The following PRDM16 variants were observed in gnomAD, a reference collection of about 807,000 sequenced individuals.
PRDM16 encodes the protein PR/SET domain 16, also known as histone-lysine N-methyltransferase PRDM16.
Under a neutral mutation model 110.6 loss-of-function variants are expected in PRDM16, and 23 were observed. The observed-to-expected ratio is 0.21, with a 90% CI of 0.15 to 0.29. The LOEUF is 0.29. Ranked by LOEUF, PRDM16 falls within the 10% of genes least tolerant of loss-of-function variation. PRDM16 has a pLI of 1.00. For synonymous variants in PRDM16, 799 were observed against 781.8 expected (o/e 1.02, Z -0.37); for missense variants, 1,615 against 1,794.3 (o/e 0.90, Z 1.81).
intron 4 of PRDM16, among the ~76,000 whole-genome samples, chr1:3,392,945 G>A (rs1392122610): frequency 6.6e-6 from 1 of 152,170 alleles, no homozygotes; most frequent in East Asian, 1.9e-4. Flanking sequence ...GTTTGAATTC[G>A]GAGGACCTGT....
chr1:3,269,775 CCAGAGGAGGAAAGTCT>C (rs1640390552), intron 3 of PRDM16, among the ~76,000 whole-genome samples: 1 of 146,054 alleles, frequency 6.8e-6, no homozygotes, highest in South Asian at 2.2e-4. Flanking sequence ...GAGGACAGTC[CCAGAGGAGGAAAGTCT>C]CAGAGGAGGA....
rs530165959 is a variant in PRDM16 at position 3,081,425 on chromosome 1, C to A, written c.37+12129C>A. ...CATTCCTGCAGCCTGGCCCGGCCGG[C>A]CCCTGGAGAGCCCCCTCCTTGTCCC... On this transcript the variant is annotated intron_variant, in intron 1 of 16. Transcript: ENST00000270722. The surrounding 1 kb of genome is among the most constrained non-coding windows in gnomAD (Gnocchi z 4.6). Among the ~76,000 whole-genome samples the A allele has an allele frequency of 6.6e-6, 1 of 152,178 alleles. No individual in the cohort carries two copies. Among genetic ancestry groups the A allele is most frequent in the Non-Finnish European group, 1.5e-5 (1 of 68,026 alleles).
chr1:3,181,381 CACACGGCCTTACGCAT>C (rs1241630285), intron 1 of PRDM16, among the ~76,000 whole-genome samples: 4 of 28,300 alleles, frequency 1.4e-4, no homozygotes, highest in Non-Finnish European at 5.1e-4. Flanking sequence ...CGCAGTCTTA[CACACGGCCTTACGCAT>C]GGTCTTACAC....
intron 14 of PRDM16, among the ~76,000 whole-genome samples, chr1:3,429,973 GC>G (rs1638723017): frequency 6.6e-6 from 1 of 152,210 alleles, no homozygotes. Flanking sequence ...GGGAGGCAGT[GC>G]CCCCGGGCGG....
At chr1:3,202,157 C>T (rs894260080) in intron 2 of PRDM16, among the ~76,000 whole-genome samples, 2 of 152,212 alleles carry the variant, frequency 1.3e-5, no homozygotes, top group Admixed American at 1.3e-4. Flanking sequence ...CTTGCCCCTT[C>T]ACCCGCATGA....
At chr1:3,375,311 GACC>G (rs1642972908) in intron 3 of PRDM16, among the ~76,000 whole-genome samples, 1 of 152,248 alleles carries the variant, frequency 6.6e-6, no homozygotes, top group Admixed American at 6.5e-5. Context: ...GGTTTCGACA[GACC>G]CTGCTCTTTC....
chr1:3,140,735 C>T (rs1643533495), intron 1 of PRDM16, among the ~76,000 whole-genome samples: 2 of 152,294 alleles, frequency 1.3e-5, no homozygotes, highest in South Asian at 2.1e-4. Context: ...GAGGGTGGGG[C>T]CACAGTCACG....
rs1295044947 is a variant in PRDM16 at position 3,080,741 on chromosome 1, C to T, written c.37+11445C>T. 3.3e-5 allele frequency among the ~76,000 whole-genome samples: 5 copies of T among 152,164 alleles called. No individual in the cohort carries two copies. The highest frequency in any genetic ancestry group is 7.3e-5 in the Non-Finnish European group (5 of 68,036). The stretch of plus-strand genomic sequence containing the variant: ...GGCAACTGCTCCTGGATTTCTGTTC[C>T]GAGGAACATGTTGGGCGGTTTCTTC... On this transcript the variant is annotated intron_variant, in intron 1 of 16. Coordinates refer to ENST00000270722, the MANE Select transcript of PRDM16 (RefSeq NM_022114.4). The surrounding 1 kb of genome is among the most constrained non-coding windows in gnomAD (Gnocchi z 5.2).
At chr1:3,321,526 ATG>A (rs534100051) in intron 3 of PRDM16, among the ~76,000 whole-genome samples, 5 of 146,016 alleles carry the variant, frequency 3.4e-5, no homozygotes, top group African/African-American at 5.5e-5. Flanking sequence ...GTGGGGGTGC[ATG>A]TGTGTGTGTA....
At chr1:3,144,447 C>T (rs572306642) in intron 1 of PRDM16, among the ~76,000 whole-genome samples, 5 of 150,908 alleles carry the variant, frequency 3.3e-5, no homozygotes, top group East Asian at 4.0e-4. Flanking sequence ...CATTCCCACT[C>T]GGCCAGGTCC....
At position 3,213,799 on chromosome 1, in the gene PRDM16, G is replaced by T. The variant is rs962795420; in HGVS notation, c.387+27325G>T. On this transcript the variant is annotated intron_variant, in intron 2 of 16. Coordinates refer to ENST00000270722, the MANE Select transcript of PRDM16 (RefSeq NM_022114.4). This position sits in a 1 kb window ranked among gnomAD's most constrained non-coding sequence, Gnocchi z 5.3. The stretch of plus-strand genomic sequence containing the variant: ...CCTACAAACAAGGTCAGCCAGGGCC[G>T]TAGACCAAGGACTCCCGAGGCCAAG... Among the ~76,000 whole-genome samples, 1 of 152,116 alleles carries T rather than the reference G, an allele frequency of 6.6e-6. No individual in the cohort carries two copies. The highest frequency in any genetic ancestry group is 1.5e-5 in the Non-Finnish European group (1 of 68,004).
Position 3,410,261 on chromosome 1 carries a change from C to A in PRDM16, c.1187-1123C>A, listed in dbSNP as rs141270896. On this transcript the variant is annotated intron_variant, in intron 8 of 16. Coordinates refer to ENST00000270722, the MANE Select transcript of PRDM16 (RefSeq NM_022114.4). ...TGATTCGCTGACAACCGTTCACAGG[C>A]CTTTAGGAAAATGGCCGGAACCCCC... 2.1e-4 allele frequency among the ~76,000 whole-genome samples: 32 copies of A among 152,178 alleles called. 1 individual carries two copies. The East Asian group carries it at 6.2e-3, about 29-fold the overall frequency.
intron 3 of PRDM16, among the ~76,000 whole-genome samples, chr1:3,247,057 T>C (rs1247915425): frequency 6.6e-6 from 1 of 152,072 alleles, no homozygotes; most frequent in East Asian, 1.9e-4. Flanking sequence ...TCCTTCCTTA[T>C]AGGATGAGAA....
intron 4 of PRDM16, among the ~76,000 whole-genome samples, chr1:3,385,866 CCTCGGGG>C (rs1643186575): frequency 1.3e-5 from 2 of 152,206 alleles, no homozygotes; most frequent in South Asian, 4.1e-4. Flanking sequence ...GTCCCTGCCA[CCTCGGGG>C]CTGAGGAGCC....
intron 5 of PRDM16, among the ~76,000 whole-genome samples, chr1:3,397,961 A>C (rs1429691083): frequency 3.9e-5 from 6 of 152,182 alleles, no homozygotes; most frequent in Non-Finnish European, 1.5e-5. Flanking sequence ...ATGACCACAG[A>C]AGGATAGTTT....
In PRDM16 at chr1:3,393,618, G is replaced by A. The variant is rs545597143; in HGVS notation, c.574-2873G>A. On this transcript the variant is annotated intron_variant, in intron 4 of 16. Coordinates refer to ENST00000270722, the MANE Select transcript of PRDM16 (RefSeq NM_022114.4). ...CCCGGTTCCCACCGCGGCCGGCCCG[G>A]TCTTTGTCCCGGGAAGTCGCCTGAC... 3.9e-5 allele frequency among the ~76,000 whole-genome samples: 6 copies of A among 152,328 alleles called. No individual in the cohort carries two copies. The South Asian group carries it at 1.2e-3, about 32-fold the overall frequency.
intron 3 of PRDM16, among the ~76,000 whole-genome samples, chr1:3,317,326 C>A (rs1641631417): frequency 6.6e-6 from 1 of 152,194 alleles, no homozygotes; most frequent in Admixed American, 6.5e-5. Flanking sequence ...CAAGGACATT[C>A]CCAGCTGGGC....
intron 1 of PRDM16, among the ~76,000 whole-genome samples, chr1:3,152,735 T>C (rs1643799427): frequency 6.6e-6 from 1 of 152,178 alleles, no homozygotes. Flanking sequence ...CCAGGTCCCC[T>C]GGGGAGGGCT....
At chr1:3,331,964 A>T (rs1227690661) in intron 3 of PRDM16, among the ~76,000 whole-genome samples, 3 of 152,222 alleles carry the variant, frequency 2.0e-5, no homozygotes, top group Admixed American at 6.5e-5. Flanking sequence ...TGGCTCTATC[A>T]TGCCCCTAAA....
Sources: gnomAD v4.1 joint callset for allele counts (sites outside exome capture counted in the v4.1 genomes callset) on GRCh38, gnomAD v4.1.1 for gene constraint, Gnocchi (gnomAD v3.1) non-coding constraint, MANE v1.5 for transcripts, NCBI Gene and HGNC (gene_info 2026-07-23, HGNC 2026-07-21) for gene names.